Variants in ATG12 observed in about 807,000 individuals in gnomAD.
The protein encoded by ATG12 is ubiquitin-like protein ATG12.
ATG12 carries 19 observed loss-of-function variants against 17.6 expected under a neutral mutation model. That is an observed-to-expected ratio of 1.08 (90% CI 0.75 to 1.58). The LOEUF (loss-of-function observed/expected upper bound fraction) is 1.58, where lower values mean the gene tolerates loss of function less well. ATG12 is among the 40% of genes most tolerant of loss of function. The pLI is 0.00. For synonymous variants in ATG12, 75 were observed against 62.4 expected (o/e 1.20, Z -0.95); for missense variants, 214 against 162.0 (o/e 1.32, Z -1.74).
intron 2 of ATG12, chr5:115,833,425 G>C (rs564799209): frequency 6.6e-6 from 1 of 151,954 alleles, no homozygotes; most frequent in East Asian, 1.9e-4. Context: ...ATACTATTTT[G>C]ATCACCAACC....
rs759178684 is a variant in ATG12 at position 115,832,656 on chromosome 5, A to G, written c.309T>C (p.Tyr103=). Reference sequence around the variant, plus strand: ...GGGAAGGAGCAAAGGACTGATTCACATAAATAAACTACAAGAAAGGAAGGA... The same window carrying G: ...GGGAAGGAGCAAAGGACTGATTCACGTAAATAAACTACAAGAAAGGAAGGA... ...KLVASEQLFI[Y]VNQSFAPSPD... Residue 103 remains tyrosine, a synonymous_variant, in exon 3 of 4, where the codon TAT becomes TAC. Coordinates refer to ENST00000509910, the MANE Select transcript of ATG12 (RefSeq NM_004707.4). 3 of 1,530,614 alleles carry G rather than the reference A, an allele frequency of 2.0e-6. No homozygotes were observed. In the Admixed American group the frequency reaches 6.7e-5, roughly 34 times the overall value. 94.8% of individuals were successfully genotyped at this position (1,530,614 alleles called of 1,614,324 possible).
At chr5:115,832,390 T>A (rs1461957102) in intron 3 of ATG12, among the ~76,000 whole-genome samples, 1 of 152,014 alleles carries the variant, frequency 6.6e-6, no homozygotes, top group Non-Finnish European at 1.5e-5. Context: ...GTATAATTTA[T>A]TAATATCTTT....
chr5:115,837,570 C>T lies in ATG12; in HGVS notation c.300+58G>A, dbSNP rs972919488. The T allele has an allele frequency of 5.1e-6, 8 of 1,576,126 alleles. No individual in the cohort carries two copies. The African/African-American group carries it at 1.1e-4, about 21-fold the overall frequency. ...ATTTCTATAAACAACAGTTAATTCA[C>T]TGTTGCCTAGGAACTACTGCAAATT... On this transcript the variant is annotated intron_variant, in intron 2 of 3. Transcript: ENST00000509910.
Position 115,831,832 on chromosome 5 carries a change from T to C in ATG12, c.395A>G (p.His132Arg), listed in dbSNP as rs189664184. 3 of 1,612,510 alleles carry C rather than the reference T, an allele frequency of 1.9e-6. No individual in the cohort carries two copies. Among genetic ancestry groups the C allele is most frequent in the African/African-American group, 1.3e-5 (1 of 74,938 alleles). ...TCCCCACGCCTGAGACTTGCAGTAA[T>C]GTAAAACCAGTTTACCATCACTGCC... is the stretch of plus-strand genomic sequence containing the variant. ...CFGSDGKLVL[H>R]YCKSQAWG The change falls in exon 4 of 4, where the codon CAT (histidine) becomes CGT (arginine). Residue 132 changes from histidine (H) to arginine (R), a missense_variant. Coordinates refer to ENST00000509910, the MANE Select transcript of ATG12 (RefSeq NM_004707.4).
intron 2 of ATG12, among the ~76,000 whole-genome samples, chr5:115,837,060 T>C (rs184623918): frequency 2.3e-4 from 35 of 152,336 alleles, no homozygotes; most frequent in Admixed American, 1.6e-3. Flanking sequence ...TGTACAGATA[T>C]TGCAATGCTC....
Position 115,837,631 on chromosome 5 carries a change from C to T in ATG12, c.297G>A (p.Gln99=). The T allele has an allele frequency of 4.3e-6, 7 of 1,610,584 alleles. No homozygotes were observed. The highest frequency in any genetic ancestry group is 5.9e-6 in the Non-Finnish European group (7 of 1,179,560). The change falls in exon 2 of 4, where the codon CAG becomes CAA. Residue 99 remains glutamine, a synonymous_variant. Coordinates refer to ENST00000509910, the MANE Select transcript of ATG12 (RefSeq NM_004707.4). ...AACATCACCATTGGTTTCATACCAA[C>T]TGTTCTGAGGCCACAAGTTTAAGAA... ...KKFLKLVASE[Q]LFIYVNQSFA...
chr5:115,837,260 C>T (rs770076444), intron 2 of ATG12, among the ~76,000 whole-genome samples: 1 of 152,092 alleles, frequency 6.6e-6, no homozygotes, highest in African/African-American at 2.4e-5. Context: ...AGAGATAAGG[C>T]AGGGCACAGT....
intron 2 of ATG12, among the ~76,000 whole-genome samples, chr5:115,837,130 A>G (rs1037048216): frequency 3.3e-5 from 5 of 152,184 alleles, no homozygotes; most frequent in African/African-American, 1.2e-4. Flanking sequence ...TCTGAGGAAA[A>G]CAATACAGGA....
chr5:115,837,823 A>C (rs1761168830), intron 1 of ATG12, 59 bp from the exon 2 acceptor site: 5 of 1,394,692 alleles, frequency 3.6e-6, no homozygotes, highest in Non-Finnish European at 3.9e-6. Context: ...AGAGAATGGA[A>C]TATAAAAGAC....
intron 1 of ATG12, chr5:115,839,178 C>T (rs1457981327): frequency 6.7e-6 from 1 of 148,342 alleles, no homozygotes; most frequent in Non-Finnish European, 1.5e-5. Flanking sequence ...GAAAGCAAAA[C>T]AGTGTATTGC....
In ATG12 at chr5:115,841,525, G is replaced by A; in HGVS notation, c.28C>T (p.Gln10Ter). The change falls in exon 1 of 4, where the codon CAG becomes TAG. Residue 10 changes from glutamine (Q) to a stop codon, truncating the protein, a stop_gained. Coordinates refer to ENST00000509910, the MANE Select transcript of ATG12 (RefSeq NM_004707.4). LOFTEE classifies it high-confidence loss of function. ...CCAGCAGCAATTGAAGTAGGAAGCT[G>A]CAACACAGACTGCGGCTCCTCCGCC... MAEEPQSVL[Q>*]LPTSIAAGGE... The A allele has an allele frequency of 6.2e-7, 1 of 1,613,510 alleles. No homozygotes were observed. The highest frequency in any genetic ancestry group is 8.5e-7 in the Non-Finnish European group (1 of 1,179,778).
At chr5:115,832,168 G>C (rs1258203197) in intron 3 of ATG12, among the ~76,000 whole-genome samples, 2 of 151,564 alleles carry the variant, frequency 1.3e-5, no homozygotes, top group South Asian at 2.1e-4. Context: ...AGTGGTGCTA[G>C]TATGTGTACT....
At chr5:115,837,594 T>G (rs918864811) in intron 2 of ATG12, 34 bp downstream of exon 2, 41 of 1,607,586 alleles carry the variant, frequency 2.6e-5, no homozygotes, top group Non-Finnish European at 3.5e-5. Flanking sequence ...CTACTGCAAA[T>G]TTTTGTAGGA....
chr5:115,838,961 A>C (rs26533), intron 1 of ATG12: 50,837 of 151,816 alleles, frequency 0.33, 9,601 homozygotes, highest in South Asian at 0.47. Flanking sequence ...ATCTCTACTA[A>C]AAATACAAAA....
At chr5:115,832,948 G>T in intron 2 of ATG12, 1 of 258,896 alleles carries the variant, frequency 3.9e-6, no homozygotes, top group Non-Finnish European at 7.2e-6. Flanking sequence ...CTTTTGAAGA[G>T]CTGGCTATTC....
chr5:115,831,844 T>C lies in ATG12; in HGVS notation c.383A>G (p.Lys128Arg). Residue 128 changes from lysine to arginine, a missense_variant, in exon 4 of 4, where the codon AAA (lysine) becomes AGA (arginine). Coordinates refer to ENST00000509910, the MANE Select transcript of ATG12 (RefSeq NM_004707.4). ...AGACTTGCAGTAATGTAAAACCAGT[T>C]TACCATCACTGCCAAAACACTACAA... ...TLYECFGSDG[K>R]LVLHYCKSQA... 7 of 1,612,222 alleles carry C rather than the reference T, an allele frequency of 4.3e-6. No individual in the cohort carries two copies. The highest frequency in any genetic ancestry group is 5.9e-6 in the Non-Finnish European group (7 of 1,179,348).
rs1458944193 is a variant in ATG12 at position 115,829,538 on chromosome 5, CT to C, written c.*2265del. 6.6e-6 allele frequency: 1 copy of C among 152,128 alleles called. No individual in the cohort carries two copies. The highest frequency in any genetic ancestry group is 1.5e-5 in the Non-Finnish European group (1 of 68,034). The allele number at this position is 152,128 out of a possible 1,614,324, so 9.4% of individuals were successfully genotyped here. A position where few individuals can be genotyped will look rare whatever the true frequency, so the allele number is the denominator to read the frequency against. On this transcript the variant is annotated 3_prime_UTR_variant, in exon 4 of 4. Coordinates refer to ENST00000509910, the MANE Select transcript of ATG12 (RefSeq NM_004707.4). Reference sequence around the variant, plus strand: ...ACAATATTGCAATATTATACATATACTTTGTGTGCCATGGGTCATCTATGCA... The same window carrying C: ...ACAATATTGCAATATTATACATATACTTGTGTGCCATGGGTCATCTATGCA...
intron 1 of ATG12, chr5:115,839,114 C>T (rs1761222246): frequency 8.1e-6 from 1 of 123,128 alleles, no homozygotes; most frequent in African/African-American, 3.1e-5. Context: ...CAGACTGAGA[C>T]ATCCTCTCAA....
At chr5:115,840,645 G>T in intron 1 of ATG12, 1 of 1,245,600 alleles carries the variant, frequency 8.0e-7, no homozygotes, top group South Asian at 1.4e-5. Flanking sequence ...GTCTAAGGAC[G>T]AAATCAGCCT....
Sources: allele counts gnomAD v4.1 joint callset (sites outside exome capture counted in the v4.1 genomes callset), GRCh38; gene constraint gnomAD v4.1.1; transcripts MANE v1.5; gene names NCBI Gene and HGNC (gene_info 2026-07-23, HGNC 2026-07-21).